The following MAML3 variants were observed in gnomAD, a reference collection of about 807,000 sequenced individuals.
MAML3 encodes the protein mastermind like transcriptional coactivator 3.
MAML3 carries 27 observed loss-of-function variants against 101.9 expected under a neutral mutation model. The observed-to-expected ratio is 0.27, with a 90% confidence interval of 0.20 to 0.37. The LOEUF is 0.37. Among genes scored for constraint, MAML3 ranks in the 10% least tolerant of loss-of-function variants. The probability of loss-of-function intolerance (pLI) is 1.00; values close to 1 mark genes in which losing one functional copy is unlikely to be tolerated. For synonymous variants in MAML3, 501 were observed against 555.9 expected (o/e 0.90, Z 1.39); for missense variants, 1,316 against 1,444.9 (o/e 0.91, Z 1.45).
rs188384875 is a variant in MAML3 at position 140,033,555 on chromosome 4, G to A, written c.468+119305C>T. On this transcript the variant is annotated intron_variant, in intron 1 of 4. Coordinates refer to ENST00000509479, the MANE Select transcript of MAML3 (RefSeq NM_018717.5). ...CGAATGACATTTGATCGCCTCACTG[G>A]ATGTCTATTTTATGTTAGATGCTCC... is the stretch of plus-strand genomic sequence containing the variant. Among the ~76,000 whole-genome samples, 744 of 152,288 alleles carry A rather than the reference G, an allele frequency of 4.9e-3. 4 individuals carry two copies. The highest frequency in any genetic ancestry group is 8.1e-3 in the Non-Finnish European group (553 of 68,036).
chr4:139,961,989 G>T (rs946255409), intron 1 of MAML3, among the ~76,000 whole-genome samples: 7 of 152,128 alleles, frequency 4.6e-5, no homozygotes, highest in African/African-American at 1.7e-4. Flanking sequence ...GGTGGCATGT[G>T]CCTGTGGTCC....
At chr4:140,131,396 C>T (rs1022258348) in intron 1 of MAML3, among the ~76,000 whole-genome samples, 18 of 152,086 alleles carry the variant, frequency 1.2e-4, no homozygotes, top group East Asian at 9.7e-4. Flanking sequence ...GCACAAGAGG[C>T]GGGCTTACTT....
At chr4:140,144,548 CA>C (rs758787783) in intron 1 of MAML3, among the ~76,000 whole-genome samples, 1,259 of 95,894 alleles carry the variant, frequency 0.013, 8 homozygotes, top group African/African-American at 0.021. Flanking sequence ...AAAGCAAAAC[CA>C]AAAAAAAAAA....
intron 2 of MAML3, among the ~76,000 whole-genome samples, chr4:139,843,063 C>T (rs1378380285): frequency 3.3e-5 from 5 of 152,002 alleles, no homozygotes; most frequent in African/African-American, 1.2e-4. Context: ...TTACAGTCCC[C>T]AGTCACCACG....
At chr4:139,781,508 CATATATAT>C (rs10568513) in intron 2 of MAML3, among the ~76,000 whole-genome samples, 32,547 of 137,068 alleles carry the variant, frequency 0.24, 4,101 homozygotes, top group African/African-American at 0.24. Context: ...AGAGCATTTT[CATATATAT>C]ATATATATAT....
chr4:139,935,627 T>C (rs1274365266), intron 1 of MAML3, among the ~76,000 whole-genome samples: 1 of 142,008 alleles, frequency 7.0e-6, no homozygotes, highest in East Asian at 2.0e-4. Flanking sequence ...TGTTTCAGCT[T>C]TCCTAGGGTT....
chr4:139,913,753 G>A (rs1395530713), intron 1 of MAML3, among the ~76,000 whole-genome samples: 2 of 152,186 alleles, frequency 1.3e-5, no homozygotes, highest in Non-Finnish European at 2.9e-5. Flanking sequence ...CCTTGGAAGG[G>A]TAGCTCAGCT....
intron 1 of MAML3, among the ~76,000 whole-genome samples, chr4:140,092,073 T>G (rs1212967946): frequency 1.4e-5 from 1 of 71,364 alleles, no homozygotes. Flanking sequence ...TATATATATA[T>G]ACGTATATAT....
rs557686044 is a variant in MAML3, at chr4:140,076,334, T to C, written c.468+76526A>G. Among the ~76,000 whole-genome samples the C allele has an allele frequency of 3.3e-5, 5 of 152,332 alleles. No individual in the cohort carries two copies. The South Asian group carries it at 8.3e-4, about 25-fold the overall frequency. ...TATATTTTTAAGTTACCATTTTAAT[T>C]TTGTACGTTCAAAGTGAAAATGCAT... On this transcript the variant is annotated intron_variant, in intron 1 of 4. Transcript: ENST00000509479.
chr4:140,147,999 T>C (rs1729095006), intron 1 of MAML3, among the ~76,000 whole-genome samples: 1 of 152,086 alleles, frequency 6.6e-6, no homozygotes, highest in Admixed American at 6.6e-5. Flanking sequence ...GCAGGAAAAC[T>C]TCTTTAACAA....
chr4:139,839,779 T>A (rs1240804979), intron 2 of MAML3, among the ~76,000 whole-genome samples: 1 of 152,138 alleles, frequency 6.6e-6, no homozygotes, highest in Non-Finnish European at 1.5e-5. Context: ...CTGTACGCCA[T>A]GACTGCTGAT....
chr4:140,051,018 C>T (rs1162954899), intron 1 of MAML3, among the ~76,000 whole-genome samples: 2 of 152,176 alleles, frequency 1.3e-5, no homozygotes, highest in Non-Finnish European at 2.9e-5. Flanking sequence ...CCCTTCTACT[C>T]TATGCATTTA....
At chr4:139,784,883 ATG>A (rs557276116) in intron 2 of MAML3, among the ~76,000 whole-genome samples, 215 of 151,826 alleles carry the variant, frequency 1.4e-3, no homozygotes, top group African/African-American at 4.8e-3. Flanking sequence ...GTGGGAGCTA[ATG>A]TGTGCACGTG....
At chr4:140,089,752 A>G (rs570318910) in intron 1 of MAML3, among the ~76,000 whole-genome samples, 89 of 152,260 alleles carry the variant, frequency 5.8e-4, no homozygotes, top group Non-Finnish European at 3.5e-4. Context: ...GGTACAGGGG[A>G]TTGTTTGACT....
At chr4:140,129,347 A>C (rs907561995) in intron 1 of MAML3, among the ~76,000 whole-genome samples, 9 of 152,198 alleles carry the variant, frequency 5.9e-5, no homozygotes, top group African/African-American at 2.2e-4. Context: ...TTTGAAGGTC[A>C]AACCAAAATT....
chr4:139,916,464 G>T (rs576022407), intron 1 of MAML3, among the ~76,000 whole-genome samples: 152 of 152,302 alleles, frequency 1.0e-3, no homozygotes, highest in African/African-American at 3.6e-3. Context: ...CCTGTGTGGG[G>T]TCATGGTAAT....
chr4:139,785,274 G>A lies in MAML3; in HGVS notation c.2080-54607C>T, dbSNP rs1730285948. Reference sequence around the variant, plus strand: ...ATCCTGATACCAAGACCGAGGACATGGATGGGGTTTTGCTGTTTACATGCT... The same window carrying A: ...ATCCTGATACCAAGACCGAGGACATAGATGGGGTTTTGCTGTTTACATGCT... On this transcript the variant is annotated intron_variant, in intron 2 of 4. Coordinates refer to ENST00000509479, the MANE Select transcript of MAML3 (RefSeq NM_018717.5). The surrounding 1 kb of genome is among the most constrained non-coding windows in gnomAD (Gnocchi z 4.3). 6.6e-6 allele frequency among the ~76,000 whole-genome samples: 1 copy of A among 152,196 alleles called. No individual in the cohort carries two copies.
chr4:140,056,746 G>A (rs1345017421), intron 1 of MAML3, among the ~76,000 whole-genome samples: 2 of 150,832 alleles, frequency 1.3e-5, no homozygotes, highest in South Asian at 2.1e-4. Flanking sequence ...GGAGACAGAG[G>A]TCGCAATAAG....
intron 1 of MAML3, among the ~76,000 whole-genome samples, chr4:140,071,454 G>A (rs1290614351): frequency 1.3e-5 from 2 of 152,156 alleles, no homozygotes; most frequent in Non-Finnish European, 2.9e-5. Context: ...CCTGTCCCCA[G>A]CCCTGCTATC....
Sources: gnomAD v4.1 joint callset for allele counts (sites outside exome capture counted in the v4.1 genomes callset) on GRCh38, gnomAD v4.1.1 for gene constraint, Gnocchi (gnomAD v3.1) non-coding constraint, MANE v1.5 for transcripts, NCBI Gene and HGNC (gene_info 2026-07-23, HGNC 2026-07-21) for gene names.